Variants in PBRM1 observed in about 807,000 individuals in gnomAD.
PBRM1 encodes protein polybromo-1.
A neutral mutation model predicts 194.5 loss-of-function variants in PBRM1; 27 were observed. The observed-to-expected ratio is 0.14, with a 90% CI of 0.10 to 0.19. The LOEUF is 0.19. PBRM1 is among the 10% of genes least tolerant of loss of function. PBRM1 has a pLI of 1.00. For synonymous variants in PBRM1, 655 were observed against 693.2 expected, an observed-to-expected ratio of 0.94 and a Z score of 0.87; for missense variants, 1,466 against 2,077.2, an observed-to-expected ratio of 0.71 and a Z score of 5.72.
chr3:52,589,162 T>A, exon 18 of PBRM1: 1 of 1,612,176 alleles, frequency 6.2e-7, no homozygotes, highest in Non-Finnish European at 8.5e-7. Flanking sequence ...TCCAACATGG[T>A]ACATGCTGTT....
intron 2 of PBRM1, among the ~76,000 whole-genome samples, chr3:52,675,413 A>G (rs919883841): frequency 1.3e-5 from 2 of 152,244 alleles, no homozygotes; most frequent in African/African-American, 4.8e-5. Context: ...ATACTACAAG[A>G]AAACTACTGA....
At chr3:52,598,516 A>G (rs989550180) in intron 17 of PBRM1, among the ~76,000 whole-genome samples, 12 of 152,232 alleles carry the variant, frequency 7.9e-5, no homozygotes, top group African/African-American at 2.9e-4. Context: ...TAGCATGAAT[A>G]AGGATGTCAT....
intron 9 of PBRM1, 33 bp downstream of exon 10, chr3:52,643,215 G>C: frequency 7.0e-7 from 1 of 1,432,660 alleles, no homozygotes; most frequent in South Asian, 1.1e-5. Context: ...ATAAGCACAG[G>C]TCAACTCTCA....
At chr3:52,559,178 C>G (rs2082860891) in intron 25 of PBRM1, among the ~76,000 whole-genome samples, 1 of 152,142 alleles carries the variant, frequency 6.6e-6, no homozygotes, top group African/African-American at 2.4e-5. Context: ...GACCATAAAC[C>G]ACCCTAAATC....
intron 16 of PBRM1, among the ~76,000 whole-genome samples, chr3:52,604,936 AGAGT>A (rs144912673): frequency 0.078 from 11,045 of 140,882 alleles, 947 homozygotes; most frequent in African/African-American, 0.22. Flanking sequence ...TCTGGGCAAC[AGAGT>A]GAGTGAGACT....
chr3:52,665,132 G>A (rs115030143), intron 3 of PBRM1, among the ~76,000 whole-genome samples: 202 of 152,196 alleles, frequency 1.3e-3, no homozygotes, highest in Non-Finnish European at 2.4e-3. Flanking sequence ...ATAATGAATG[G>A]TACTGACTCC....
chr3:52,672,052 T>C (rs752690644), intron 2 of PBRM1, among the ~76,000 whole-genome samples: 1 of 152,214 alleles, frequency 6.6e-6, no homozygotes, highest in African/African-American at 2.4e-5. Flanking sequence ...AAGTCCAAAA[T>C]GGGTCTCACT....
intron 22 of PBRM1, among the ~76,000 whole-genome samples, chr3:52,574,251 A>T (rs2088571493): frequency 6.6e-6 from 1 of 152,228 alleles, no homozygotes; most frequent in Non-Finnish European, 1.5e-5. Context: ...TGTAAGAGAC[A>T]GCAAACCCAT....
intron 22 of PBRM1, among the ~76,000 whole-genome samples, chr3:52,571,873 A>C (rs1575808281): frequency 2.7e-5 from 4 of 147,158 alleles, no homozygotes; most frequent in African/African-American, 5.0e-5. Context: ...AAAAAAAAAA[A>C]AAAAAAAAAA....
At chr3:52,546,887 T>C (rs966451205), downstream of PBRM1, 1 of 233,082 alleles carries the variant, frequency 4.3e-6, no homozygotes, top group African/African-American at 2.2e-5. Context: ...AAAAAATATT[T>C]TAGAAAGTAT....
chr3:52,644,846 GCCC>G (rs1560715178), intron 7 of PBRM1, 57 bp from the exon 9 acceptor site: 2 of 806,188 alleles, frequency 2.5e-6, no homozygotes, highest in Non-Finnish European at 4.1e-6. Flanking sequence ...ACAGCTTAAT[GCCC>G]CCAACTCATG....
chr3:52,601,929 A>G (rs2153306090), intron 17 of PBRM1, among the ~76,000 whole-genome samples: 1 of 152,332 alleles, frequency 6.6e-6, no homozygotes, highest in South Asian at 2.1e-4. Context: ...CCGACAGGTA[A>G]CACATGAAGA....
chr3:52,679,495 G>GT (rs1383804190), intron 1 of PBRM1, 79 bp downstream of exon 2: 1 of 1,330,946 alleles, frequency 7.5e-7, no homozygotes, highest in Non-Finnish European at 1.0e-6. Flanking sequence ...GCCTTGCATC[G>GT]TAACAATTTT....
intron 27 of PBRM1, among the ~76,000 whole-genome samples, chr3:52,553,780 G>A (rs755287558): frequency 2.4e-4 from 36 of 150,948 alleles, no homozygotes; most frequent in Non-Finnish European, 4.3e-4. Context: ...TTCTGCCTCA[G>A]CCTCTCGAGT....
chr3:52,640,200 CCTGGTTATTATTCG>C (rs2096016080), intron 10 of PBRM1, among the ~76,000 whole-genome samples: 1 of 36,704 alleles, frequency 2.7e-5, no homozygotes, highest in Non-Finnish European at 6.0e-5. Context: ...TTATTATTCG[CCTGGTTATTATTCG>C]CCTGGTGTAT....
At chr3:52,617,391 C>T (rs1366917567) in exon 14 of PBRM1, 2 of 1,613,850 alleles carry the variant, frequency 1.2e-6, no homozygotes, top group African/African-American at 2.7e-5. Context: ...CCATTGGCTC[C>T]AAGATGATTT....
intron 7 of PBRM1, among the ~76,000 whole-genome samples, chr3:52,647,819 G>A (rs2096367510): frequency 6.6e-6 from 1 of 152,072 alleles, no homozygotes; most frequent in South Asian, 2.1e-4. Context: ...GTTGCTTAGG[G>A]CTAGAGAAGT....
chr3:52,589,266 A>AAAAC lies in PBRM1; in HGVS notation c.2780-12_2780-11insGTTT. ...CACTCTTTTCAGCTTCTTAGGTAAA[A>AAAAC]AAATAAATAAATAAAGGAAAAAGGT... On this transcript the variant is annotated splice_polypyrimidine_tract_variant and intron_variant, in intron 17 of 29. Coordinates refer to ENST00000296302, the Ensembl canonical transcript of PBRM1. 1 of 1,507,848 alleles carries AAAAC rather than the reference A, an allele frequency of 6.6e-7. No individual in the cohort carries two copies. 93.4% of individuals were successfully genotyped at this position (1,507,848 alleles called of 1,614,324 possible). A position where few individuals can be genotyped will look rare whatever the true frequency, so the allele number is the denominator to read the frequency against.
At chr3:52,564,779 A>G (rs767569463) in intron 22 of PBRM1, among the ~76,000 whole-genome samples, 14 of 152,214 alleles carry the variant, frequency 9.2e-5, no homozygotes, top group Non-Finnish European at 1.6e-4. Flanking sequence ...TTGATTTTTG[A>G]TAAGGGTTCC....
Sources: gnomAD v4.1 joint callset for allele counts (sites outside exome capture counted in the v4.1 genomes callset) on GRCh38, gnomAD v4.1.1 for gene constraint, MANE v1.5 for transcripts, NCBI Gene and HGNC (gene_info 2026-07-23, HGNC 2026-07-21) for gene names.